Variants in MTSS1 observed in about 807,000 individuals in gnomAD.
The protein encoded by MTSS1 is MTSS I-BAR domain containing 1, also known as protein MTSS 1.
Under a neutral mutation model 79.0 loss-of-function variants are expected in MTSS1, and 18 were observed. The ratio of observed to expected loss-of-function variants is 0.23; its 90% CI spans 0.16 to 0.34. The LOEUF is 0.34. Among genes scored for constraint, MTSS1 ranks in the 10% least tolerant of loss-of-function variants. MTSS1 has a pLI of 1.00. For synonymous variants in MTSS1, 341 were observed against 368.6 expected (o/e 0.93, Z 0.86); for missense variants, 815 against 986.2 (o/e 0.83, Z 2.33).
chr8:124,642,686 G>A (rs1056229895), intron 3 of MTSS1, among the ~76,000 whole-genome samples: 4 of 151,926 alleles, frequency 2.6e-5, no homozygotes, highest in East Asian at 1.9e-4. Flanking sequence ...TCTGCCTCCC[G>A]GGTTCAAGTG....
intron 3 of MTSS1, among the ~76,000 whole-genome samples, chr8:124,647,700 T>C (rs1050566831): frequency 4.6e-5 from 7 of 152,374 alleles, no homozygotes; most frequent in African/African-American, 1.7e-4. Flanking sequence ...ACTTCTTCAA[T>C]TGTTACAGCT....
chr8:124,591,257 AG>A lies in MTSS1; in HGVS notation c.209-23del, dbSNP rs1445142080. 3 of 1,602,670 alleles carry A rather than the reference AG, an allele frequency of 1.9e-6. No homozygotes were observed. In the African/African-American group the frequency reaches 4.0e-5, roughly 21 times the overall value. ...CCACCTGAAAAAGCAACAGAGGCAA[AG>A]GTGAGGGATAGAAGACTAGCAGGGA... is the stretch of plus-strand genomic sequence containing the variant. On this transcript the variant is annotated intron_variant, in intron 3 of 13. Coordinates refer to ENST00000518547, the MANE Select transcript of MTSS1 (RefSeq NM_014751.6).
chr8:124,613,426 TC>T (rs1836245115), intron 3 of MTSS1, among the ~76,000 whole-genome samples: 1 of 152,232 alleles, frequency 6.6e-6, no homozygotes, highest in Non-Finnish European at 1.5e-5. Context: ...CTAGACCTCT[TC>T]ACTGCCTTTG....
At chr8:124,703,065 T>C (rs1199422374) in intron 2 of MTSS1, among the ~76,000 whole-genome samples, 1 of 152,128 alleles carries the variant, frequency 6.6e-6, no homozygotes, top group Admixed American at 6.5e-5. Flanking sequence ...TTTCAGGGTA[T>C]GAGTCAATGA....
intron 3 of MTSS1, among the ~76,000 whole-genome samples, chr8:124,687,947 T>C (rs185511957): frequency 1.5e-4 from 23 of 152,306 alleles, no homozygotes; most frequent in Non-Finnish European, 2.6e-4. Context: ...AGAAGCAGCA[T>C]TGTATTGAAC....
intron 6 of MTSS1, among the ~76,000 whole-genome samples, chr8:124,581,827 T>C (rs1319652852): frequency 6.6e-6 from 1 of 152,106 alleles, no homozygotes; most frequent in Admixed American, 6.5e-5. Flanking sequence ...GTTCATACGG[T>C]TGGGTGGCAC....
intron 1 of MTSS1, among the ~76,000 whole-genome samples, chr8:124,709,446 A>C (rs1830844227): frequency 2.6e-5 from 4 of 152,202 alleles, no homozygotes; most frequent in Admixed American, 2.6e-4. Context: ...ACAACGTTCC[A>C]GACAGACCCA....
At chr8:124,719,625 A>G (rs1832622031) in intron 1 of MTSS1, among the ~76,000 whole-genome samples, 1 of 152,238 alleles carries the variant, frequency 6.6e-6, no homozygotes, top group Admixed American at 6.5e-5. Flanking sequence ...ATCGTATTTG[A>G]CGAATACATG....
chr8:124,589,831 C>A, intron 4 of MTSS1, 120 bp from the exon 5 acceptor site: 2 of 701,336 alleles, frequency 2.9e-6, no homozygotes, highest in Admixed American at 2.6e-5. Context: ...CTCATCTAAA[C>A]CCCGGGGCTC....
chr8:124,679,873 G>A (rs1825860290), intron 3 of MTSS1, among the ~76,000 whole-genome samples: 1 of 152,146 alleles, frequency 6.6e-6, no homozygotes, highest in Non-Finnish European at 1.5e-5. Flanking sequence ...CATTGTATAG[G>A]CTTTAATGAG....
intron 3 of MTSS1, among the ~76,000 whole-genome samples, chr8:124,652,726 C>T (rs1252959462): frequency 2.1e-5 from 3 of 141,890 alleles, no homozygotes; most frequent in South Asian, 2.3e-4. Context: ...ACCCGGGAAG[C>T]GGAGGTTTCA....
At chr8:124,576,307 G>A (rs566695716) in intron 6 of MTSS1, among the ~76,000 whole-genome samples, 2 of 152,230 alleles carry the variant, frequency 1.3e-5, no homozygotes, top group African/African-American at 4.8e-5. Flanking sequence ...ATTTGTGGTC[G>A]GCTGGGCAGA....
chr8:124,572,729 C>CTTTCT (rs1188514209), intron 6 of MTSS1, among the ~76,000 whole-genome samples: 12 of 137,424 alleles, frequency 8.7e-5, no homozygotes, highest in Middle Eastern at 3.3e-3. Context: ...GGGCTACTTT[C>CTTTCT]TTTCTTTTCT....
chr8:124,630,490 A>G (rs1017477267), intron 3 of MTSS1, among the ~76,000 whole-genome samples: 1 of 152,252 alleles, frequency 6.6e-6, no homozygotes, highest in African/African-American at 2.4e-5. Context: ...CAGCAGCAAG[A>G]TCATGGAGCC....
intron 3 of MTSS1, among the ~76,000 whole-genome samples, chr8:124,621,301 G>C (rs898943162): frequency 6.6e-6 from 1 of 152,226 alleles, no homozygotes; most frequent in Non-Finnish European, 1.5e-5. Context: ...AATGGTCTTA[G>C]GTTTTGTTTG....
In MTSS1 at chr8:124,657,704, G is replaced by T. The variant is rs1248091892; in HGVS notation, c.208+41822C>A. Among the ~76,000 whole-genome samples the T allele has an allele frequency of 3.9e-5, 6 of 152,180 alleles. No homozygotes were observed. The East Asian group carries it at 1.2e-3, about 29-fold the overall frequency. ...AAGTCCAAATTTAACCAGGATACAG[G>T]GACCTTCTGATGATACACAGTGCCC... On this transcript the variant is annotated intron_variant, in intron 3 of 13. Transcript: ENST00000518547.
rs569636702 is a variant in MTSS1 at position 124,562,859 on chromosome 8, G to A, written c.958C>T (p.His320Tyr). Residue 320 changes from histidine (H) to tyrosine (Y), a missense_variant, in exon 10 of 14, where the codon CAT (histidine) becomes TAT (tyrosine). Transcript: ENST00000518547. ...TCCTGGGATATGAATCCTGAGTCAT[G>A]GGAGGACACGCTGGACAGCCTCACA... is the stretch of plus-strand genomic sequence containing the variant. ...APVRLSSVSS[H>Y]DSGFISQDAF... The A allele has an allele frequency of 1.2e-6, 2 of 1,614,166 alleles. No homozygotes were observed. The highest frequency in any genetic ancestry group is 1.7e-5 in the Admixed American group (1 of 60,020).
chr8:124,589,559 T>A, intron 5 of MTSS1, 61 bp downstream of exon 5: 1 of 1,373,876 alleles, frequency 7.3e-7, no homozygotes, highest in South Asian at 1.3e-5. Flanking sequence ...AGGCAGCAGC[T>A]GGCAACTTCC....
rs1395082359 is a variant in MTSS1, at chr8:124,556,264, G to A, written c.1372C>T (p.Pro458Ser). 1.3e-5 allele frequency: 21 copies of A among 1,614,228 alleles called. No individual in the cohort carries two copies. Among genetic ancestry groups the A allele is most frequent in the Non-Finnish European group, 1.8e-5 (21 of 1,180,032 alleles). Residue 458 changes from proline (P) to serine (S), a missense_variant, in exon 12 of 14, where the codon CCA becomes TCA. Physicochemically the swap from Pro to Ser is moderately conservative, Grantham distance 74 (BLOSUM62 -1). Coordinates refer to ENST00000518547, the MANE Select transcript of MTSS1 (RefSeq NM_014751.6). ...GCAGCCGATACAGTCATGCTCCGTG[G>A]TCTCTGAGCCTCCTCAGCTGCTGCA... ...PPAAAEEAQRPRSMTVSAATR... is the reference protein window; with the variant it reads ...PPAAAEEAQRSRSMTVSAATR...
Sources: gnomAD v4.1 joint callset for allele counts (sites outside exome capture counted in the v4.1 genomes callset) on GRCh38, gnomAD v4.1.1 for gene constraint, MANE v1.5 for transcripts, NCBI Gene and HGNC (gene_info 2026-07-23, HGNC 2026-07-21) for gene names.